The following GRIP2 variants were observed in gnomAD, a reference collection of about 807,000 sequenced individuals.
GRIP2 encodes glutamate receptor-interacting protein 2.
A neutral mutation model predicts 108.3 loss-of-function variants in GRIP2; 58 were observed. The ratio of observed to expected loss-of-function variants is 0.54; its 90% confidence interval spans 0.43 to 0.67. The LOEUF is 0.67. Among genes scored for constraint, GRIP2 ranks in the 30% least tolerant of loss-of-function variants. The pLI is 0.00. For synonymous variants in GRIP2, 586 were observed against 598.2 expected (o/e 0.98, Z 0.30); for missense variants, 1,278 against 1,430.6 (o/e 0.89, Z 1.72).
chr3:14,539,994 G>C (rs1694923425), intron 1 of GRIP2, among the ~76,000 whole-genome samples: 1 of 152,118 alleles, frequency 6.6e-6, no homozygotes, highest in Admixed American at 6.5e-5. Flanking sequence ...CCCCTACAAG[G>C]CTGAGCACTG....
chr3:14,600,998 C>A, the GRIP2 span, among the ~76,000 whole-genome samples: 4 of 152,186 alleles, frequency 2.6e-5, no homozygotes, highest in Middle Eastern at 3.4e-3. Flanking sequence ...CTTGTACACA[C>A]CCACATGCAT....
the GRIP2 span, among the ~76,000 whole-genome samples, chr3:14,585,426 T>C: frequency 1.3e-5 from 2 of 152,262 alleles, no homozygotes; most frequent in African/African-American, 4.8e-5. Flanking sequence ...AGCCTCCATA[T>C]AGCTCTGGGA....
intron 21 of GRIP2, among the ~76,000 whole-genome samples, chr3:14,497,974 A>G (rs1159573184): frequency 6.6e-6 from 1 of 152,060 alleles, no homozygotes; most frequent in Non-Finnish European, 1.5e-5. Context: ...AGCTGCTGGG[A>G]GGGGAGGATG....
the GRIP2 span, among the ~76,000 whole-genome samples, chr3:14,576,994 T>G: frequency 6.6e-6 from 1 of 152,260 alleles, no homozygotes; most frequent in Non-Finnish European, 1.5e-5. Flanking sequence ...GAGGATTTGA[T>G]TCATCAACAC....
In GRIP2 at chr3:14,517,050, A is replaced by G; in HGVS notation, c.1306+14T>C. 1 of 1,519,870 alleles carries G rather than the reference A, an allele frequency of 6.6e-7. No individual in the cohort carries two copies. The highest frequency in any genetic ancestry group is 8.8e-7 in the Non-Finnish European group (1 of 1,131,800). The allele number at this position is 1,519,870 out of a possible 1,614,324, so 94.1% of individuals were successfully genotyped here. On this transcript the variant is annotated intron_variant, in intron 11 of 23. Coordinates refer to ENST00000621039, the MANE Select transcript of GRIP2 (RefSeq NM_001080423.4). ...ACAAGCAGCCCAAGGAGGAGGGAAG[A>G]GACCACAGCTTACACGAGCTCTTGT...
upstream of GRIP2, among the ~76,000 whole-genome samples, chr3:14,560,068 C>T (rs116418796): frequency 3.3e-3 from 501 of 152,146 alleles, 3 homozygotes; most frequent in African/African-American, 0.011. Flanking sequence ...GCCTGGGCAA[C>T]ATAGTGAGAC....
chr3:14,523,184 T>C (rs1285754831), intron 5 of GRIP2, 109 bp from the exon 6 acceptor site: 2 of 790,416 alleles, frequency 2.5e-6, no homozygotes, highest in Non-Finnish European at 4.2e-6. Context: ...TTTGAGGACC[T>C]TGTCCTTGCT....
chr3:14,565,208 G>A, the GRIP2 span, among the ~76,000 whole-genome samples: 8 of 152,216 alleles, frequency 5.3e-5, no homozygotes, highest in East Asian at 1.9e-4. Context: ...GGAAAGGGGC[G>A]AAGGCTGGGT....
the GRIP2 span, among the ~76,000 whole-genome samples, chr3:14,576,581 G>A: frequency 5.3e-5 from 8 of 152,236 alleles, no homozygotes; most frequent in Non-Finnish European, 7.3e-5. Context: ...GCAGTGGGGA[G>A]CCACTGGACC....
rs1694112206 is a variant in GRIP2 at position 14,512,050 on chromosome 3, A to G, written c.1721-571T>C. ...CTTGTGTCGAGGGCGGTAAATGTTC[A>G]GTCAGGTGGTCGGGGAAGGCCTTGT... On this transcript the variant is annotated intron_variant, in intron 14 of 23. Transcript: ENST00000621039. This position sits in a 1 kb window ranked among gnomAD's most constrained non-coding sequence, Gnocchi z 5.1. Among the ~76,000 whole-genome samples the G allele has an allele frequency of 6.6e-6, 1 of 152,244 alleles. No individual in the cohort carries two copies. Among genetic ancestry groups the G allele is most frequent in the African/African-American group, 2.4e-5 (1 of 41,474 alleles).
rs888055044 is a variant in GRIP2, at chr3:14,536,230, T to C, written c.40+4039A>G. 3.3e-5 allele frequency among the ~76,000 whole-genome samples: 5 copies of C among 152,234 alleles called. No individual in the cohort carries two copies. The East Asian group carries it at 9.6e-4, about 29-fold the overall frequency. ...GGCCAGGCCTGCTCTAAGCACTTTA[T>C]GAATGCTAAGTCAGTTAATTGTCCT... On this transcript the variant is annotated intron_variant, in intron 1 of 23. Transcript: ENST00000621039.
chr3:14,540,775 C>T (rs1310428754), upstream of GRIP2, among the ~76,000 whole-genome samples: 1 of 152,132 alleles, frequency 6.6e-6, no homozygotes, highest in Admixed American at 6.5e-5. This position sits in a 1 kb window ranked among gnomAD's most constrained non-coding sequence, Gnocchi z 4.1. Flanking sequence ...GAAGCACAGA[C>T]TCTTTGACTG....
chr3:14,511,064 C>T lies in GRIP2; in HGVS notation c.1933+101G>A, dbSNP rs1423281734. On this transcript the variant is annotated intron_variant, in intron 16 of 23. Coordinates refer to ENST00000621039, the MANE Select transcript of GRIP2 (RefSeq NM_001080423.4). This position sits in a 1 kb window ranked among gnomAD's most constrained non-coding sequence, Gnocchi z 4.1. ...AGCCAGCCTTCAGCAGCGCCCACCACCCTCCCTTCCTCGGCTGGAGGGAGC... is the reference window on the plus strand; with the variant it reads ...AGCCAGCCTTCAGCAGCGCCCACCATCCTCCCTTCCTCGGCTGGAGGGAGC... The T allele has an allele frequency of 7.2e-7, 1 of 1,389,632 alleles. No individual in the cohort carries two copies. Among genetic ancestry groups the T allele is most frequent in the African/African-American group, 1.4e-5 (1 of 70,092 alleles). 86.1% of individuals were successfully genotyped at this position (1,389,632 alleles called of 1,614,324 possible).
rs375242872 is a variant in GRIP2 at position 14,525,929 on chromosome 3, C to T, written c.43G>A (p.Asp15Asn). 1.2e-5 allele frequency: 18 copies of T among 1,556,314 alleles called. No individual in the cohort carries two copies. The highest frequency in any genetic ancestry group is 1.3e-5 in the Non-Finnish European group (15 of 1,149,630). ...LSRETPGEAD[D>N]GPYSKGGKDA... is the part of the protein sequence containing the mutation. ...TTGCCTCCTTTGGAGTAGGGCCCAT[C>T]GTCTGCAGGAGAGAAAGAGGGAAAG... Residue 15 changes from aspartate to asparagine, a missense_variant and splice_region_variant, in exon 2 of 24, where the codon GAT becomes AAT. Transcript: ENST00000621039.
intron 2 of GRIP2, 130 bp from the exon 3 acceptor site, chr3:14,525,702 T>C: frequency 7.5e-7 from 1 of 1,326,856 alleles, no homozygotes; most frequent in Non-Finnish European, 1.1e-6. Flanking sequence ...GATGATCACC[T>C]CCTTTTTACA....
chr3:14,528,365 T>A (rs1394153238), intron 1 of GRIP2, among the ~76,000 whole-genome samples: 1 of 152,220 alleles, frequency 6.6e-6, no homozygotes, highest in Non-Finnish European at 1.5e-5. Context: ...GCATACAGGT[T>A]TTCGTTTGAA....
At position 14,493,726 on chromosome 3, in the gene GRIP2, T is replaced by G. The variant is rs1234337823; in HGVS notation, c.3071A>C (p.His1024Pro). 13 of 1,607,924 alleles carry G rather than the reference T, an allele frequency of 8.1e-6. No individual in the cohort carries two copies. Among genetic ancestry groups the G allele is most frequent in the Non-Finnish European group, 1.1e-5 (13 of 1,178,074 alleles). Residue 1024 changes from histidine (H) to proline (P), a missense_variant, in exon 24 of 24, where the codon CAC becomes CCC. By Grantham distance (77) the His-to-Pro change is moderately conservative. Transcript: ENST00000621039. ...VLELIISRKP[H>P]TAHSSRAPRS... ...GGGGGCCCGGCTGCTGTGTGCCGTG[T>G]GCGGCTTGCGGCTGATGATCAGCTC...
chr3:14,509,992 A>C, intron 16 of GRIP2, 28 bp from the exon 17 acceptor site: 2 of 1,419,026 alleles, frequency 1.4e-6, no homozygotes, highest in Non-Finnish European at 1.9e-6. Context: ...CATGAGGAGG[A>C]GGCCCCCGAG....
At chr3:14,542,205 G>T (rs1467944517), upstream of GRIP2, 21 of 506,724 alleles carry the variant, frequency 4.1e-5, no homozygotes, top group Non-Finnish European at 6.2e-5. Flanking sequence ...ACCTGGGCTG[G>T]AGTGCAGTGG....
Sources: gnomAD v4.1 joint callset for allele counts (sites outside exome capture counted in the v4.1 genomes callset) on GRCh38, gnomAD v4.1.1 for gene constraint, Gnocchi (gnomAD v3.1) non-coding constraint, MANE v1.5 for transcripts, NCBI Gene and HGNC (gene_info 2026-07-23, HGNC 2026-07-21) for gene names.